RBFOX3: variants seen among roughly 807,000 people sequenced by gnomAD.
The protein encoded by RBFOX3 is RNA binding protein fox-1 homolog 3.
RBFOX3 carries 17 observed loss-of-function variants against 48.7 expected under a neutral mutation model. The ratio of observed to expected loss-of-function variants is 0.35; its 90% CI spans 0.24 to 0.52. The LOEUF (loss-of-function observed/expected upper bound fraction) is 0.52. Among genes scored for constraint, RBFOX3 ranks in the 20% least tolerant of loss-of-function variants. The pLI, the probability that RBFOX3 is intolerant of heterozygous loss-of-function variation, is 0.94. For synonymous variants in RBFOX3, 212 were observed against 209.5 expected (o/e 1.01, Z -0.10); for missense variants, 382 against 497.5 (o/e 0.77, Z 2.21).
At chr17:79,240,540 C>A (rs1006848929) in intron 3 of RBFOX3, among the ~76,000 whole-genome samples, 2 of 152,254 alleles carry the variant, frequency 1.3e-5, no homozygotes, top group African/African-American at 4.8e-5. Flanking sequence ...CTGTGTCAGG[C>A]ACTGAATATA....
Position 79,330,819 on chromosome 17 carries a change from C to T in RBFOX3, c.-174-22995G>A, listed in dbSNP as rs113319308. ...CTGAGCCAAGGATGGACCCTCCCTT[C>T]GGAGAAGCCTTCCCTGACTCTGTGG... On this transcript the variant is annotated intron_variant, in intron 2 of 14. Coordinates refer to ENST00000693108, the MANE Select transcript of RBFOX3 (RefSeq NM_001350451.2). Among the ~76,000 whole-genome samples the T allele has an allele frequency of 3.6e-3, 546 of 152,314 alleles. 5 individuals carry two copies. The highest frequency in any genetic ancestry group is 0.012 in the African/African-American group (498 of 41,566).
At chr17:79,327,774 C>T (rs2079555614) in intron 2 of RBFOX3, among the ~76,000 whole-genome samples, 1 of 152,198 alleles carries the variant, frequency 6.6e-6, no homozygotes, top group Non-Finnish European at 1.5e-5. Flanking sequence ...TGGCTCACTG[C>T]AACCTCCGCC....
intron 5 of RBFOX3, among the ~76,000 whole-genome samples, chr17:79,113,196 G>A (rs368552782): frequency 3.0e-4 from 46 of 152,204 alleles, no homozygotes; most frequent in Admixed American, 1.8e-3. Context: ...GGAGGCGTTC[G>A]GCCTTCAGCT....
In RBFOX3 at chr17:79,254,528, T is replaced by A. The variant is rs1567924010; in HGVS notation, c.-73-18723A>T. On this transcript the variant is annotated intron_variant, in intron 3 of 14. Transcript: ENST00000693108. The surrounding 1 kb of genome is among the most constrained non-coding windows in gnomAD (Gnocchi z 4.8). ...TGCTAAGCCTGTAGGTGACCCTGAC[T>A]GAGGGTTCTGGGGCTAGAGATGGAG... 6.6e-6 allele frequency among the ~76,000 whole-genome samples: 1 copy of A among 152,184 alleles called. No homozygotes were observed. The highest frequency in any genetic ancestry group is 6.5e-5 in the Admixed American group (1 of 15,280).
intron 3 of RBFOX3, among the ~76,000 whole-genome samples, chr17:79,305,276 C>T (rs7350896): frequency 0.33 from 49,594 of 152,004 alleles, 9,815 homozygotes; most frequent in East Asian, 0.47. Flanking sequence ...GCCGGCCAAG[C>T]CCTGCCGTCA....
intron 1 of RBFOX3, among the ~76,000 whole-genome samples, chr17:79,521,407 CAT>C (rs1172413361): frequency 8.6e-5 from 13 of 151,972 alleles, no homozygotes; most frequent in African/African-American, 2.9e-4. Context: ...CAGACACACA[CAT>C]ACCCTCACAG....
rs58586290 is a variant in RBFOX3, at chr17:79,142,594, G to A, written c.-33-26846C>T. On this transcript the variant is annotated intron_variant, in intron 4 of 14. Coordinates refer to ENST00000693108, the MANE Select transcript of RBFOX3 (RefSeq NM_001350451.2). ...GGGGCACGGTGGCGGGAGGCCACTCGTGGGTGTGTGGAGGTGGGGAGGGGC... is the reference window on the plus strand; with the variant it reads ...GGGGCACGGTGGCGGGAGGCCACTCATGGGTGTGTGGAGGTGGGGAGGGGC... Among the ~76,000 whole-genome samples the A allele has an allele frequency of 9.6e-3, 1,465 of 152,212 alleles. 34 individuals carry two copies. The highest frequency in any genetic ancestry group is 0.034 in the African/African-American group (1,393 of 41,530).
intron 4 of RBFOX3, among the ~76,000 whole-genome samples, chr17:79,184,902 C>T (rs556570966): frequency 1.3e-5 from 2 of 152,278 alleles, no homozygotes; most frequent in Admixed American, 6.5e-5. Context: ...CACATCCAGC[C>T]CGAGAGATGG....
intron 1 of RBFOX3, among the ~76,000 whole-genome samples, chr17:79,492,640 C>T (rs2080861815): frequency 6.6e-6 from 1 of 152,348 alleles, no homozygotes; most frequent in Admixed American, 6.5e-5. Flanking sequence ...TGAGCCCCTC[C>T]CAGATTCCTG....
At chr17:79,231,168 T>C (rs1431374129) in intron 4 of RBFOX3, among the ~76,000 whole-genome samples, 2 of 152,130 alleles carry the variant, frequency 1.3e-5, no homozygotes, top group African/African-American at 2.4e-5. Flanking sequence ...GCTGGAGTTA[T>C]AAGACAGAGC....
At chr17:79,417,124 G>C (rs1222341506) in intron 2 of RBFOX3, among the ~76,000 whole-genome samples, 1 of 152,232 alleles carries the variant, frequency 6.6e-6, no homozygotes, top group Non-Finnish European at 1.5e-5. Flanking sequence ...TGTTCTGCCA[G>C]GATGGCAGGA....
chr17:79,467,078 C>CG (rs530184776), intron 2 of RBFOX3, among the ~76,000 whole-genome samples: 1 of 151,830 alleles, frequency 6.6e-6, no homozygotes, highest in South Asian at 2.1e-4. Context: ...GGCACTGCCA[C>CG]GGGCATGTGT....
chr17:79,092,388 A>AAGAC, intron 14 of RBFOX3: 1 of 985,748 alleles, frequency 1.0e-6, no homozygotes, highest in Non-Finnish European at 1.2e-6. Context: ...ACCAGGGTCA[A>AAGAC]AGACACACAC....
intron 3 of RBFOX3, among the ~76,000 whole-genome samples, chr17:79,276,551 G>T (rs939187491): frequency 6.6e-6 from 1 of 152,140 alleles, no homozygotes; most frequent in South Asian, 2.1e-4. Flanking sequence ...TGGGTCTGGT[G>T]GTGGGCGCCT....
intron 4 of RBFOX3, chr17:79,132,797 G>A (rs1211083381): frequency 1.3e-5 from 2 of 152,264 alleles, no homozygotes; most frequent in Non-Finnish European, 2.9e-5. Flanking sequence ...AAGCCGCAAG[G>A]ATTGGGAAGA....
chr17:79,499,141 C>T (rs2082042096), intron 1 of RBFOX3, among the ~76,000 whole-genome samples: 1 of 151,152 alleles, frequency 6.6e-6, no homozygotes, highest in Non-Finnish European at 1.5e-5. Context: ...CCCACCCATC[C>T]ATTCACTCAT....
intron 4 of RBFOX3, among the ~76,000 whole-genome samples, chr17:79,206,897 C>G (rs2057579042): frequency 6.6e-6 from 1 of 152,184 alleles, no homozygotes; most frequent in African/African-American, 2.4e-5. Context: ...CTCAATAGTA[C>G]ACCTGGAATG....
At chr17:79,567,176 C>CTTTTTTTTTTTT (rs1254348383) in intron 1 of RBFOX3, among the ~76,000 whole-genome samples, 1 of 121,130 alleles carries the variant, frequency 8.3e-6, no homozygotes, top group Non-Finnish European at 1.8e-5. Flanking sequence ...TTCTTTCTTT[C>CTTTTTTTTTTTT]TTTCTTTTTT....
At chr17:79,131,455 G>A (rs2038888691) in intron 4 of RBFOX3, among the ~76,000 whole-genome samples, 1 of 152,184 alleles carries the variant, frequency 6.6e-6, no homozygotes, top group African/African-American at 2.4e-5. Flanking sequence ...CACGGCGTGA[G>A]CCCACCTGAC....
Sources: allele counts gnomAD v4.1 joint callset (sites outside exome capture counted in the v4.1 genomes callset), GRCh38; gene constraint gnomAD v4.1.1; non-coding constraint Gnocchi (gnomAD v3.1); transcripts MANE v1.5; gene names NCBI Gene and HGNC (gene_info 2026-07-23, HGNC 2026-07-21).